The following LRRIQ1 variants were observed in gnomAD, a reference collection of about 807,000 sequenced individuals.
The protein encoded by LRRIQ1 is leucine rich repeats and IQ motif containing 1, also known as leucine-rich repeat- and IQ domain-containing protein 1.
In LRRIQ1, 210 loss-of-function variants were observed where a neutral mutation model predicts 211.9. The observed-to-expected ratio is 0.99, with a 90% confidence interval of 0.89 to 1.11. LRRIQ1 has a LOEUF of 1.11. Ranked by LOEUF, LRRIQ1 falls within the 50% of genes most tolerant of loss-of-function variation. The probability of loss-of-function intolerance (pLI) is 0.00; values close to 1 mark genes in which losing one functional copy is unlikely to be tolerated. For synonymous variants in LRRIQ1, 699 were observed against 650.1 expected (o/e 1.08, Z -1.14); for missense variants, 2,136 against 1,939.5 (o/e 1.10, Z -1.90).
At chr12:85,066,091 G>A (rs867024887) in intron 9 of LRRIQ1, among the ~76,000 whole-genome samples, 18 of 151,862 alleles carry the variant, frequency 1.2e-4, no homozygotes, top group South Asian at 4.1e-4. Context: ...TGCGAATATT[G>A]GTTTCTGATG....
chr12:85,091,961 G>T (rs142310150), intron 11 of LRRIQ1, among the ~76,000 whole-genome samples: 44 of 152,200 alleles, frequency 2.9e-4, no homozygotes, highest in African/African-American at 1.0e-3. Context: ...ATTTACAATG[G>T]CTCACTGCTG....
At chr12:85,078,056 C>T (rs1159152095) in intron 11 of LRRIQ1, among the ~76,000 whole-genome samples, 4 of 151,836 alleles carry the variant, frequency 2.6e-5, no homozygotes, top group Admixed American at 1.3e-4. Context: ...ATCTAGAACC[C>T]GCCCACCCCT....
intron 24 of LRRIQ1, among the ~76,000 whole-genome samples, chr12:85,177,693 A>G (rs548271762): frequency 6.6e-6 from 1 of 152,260 alleles, no homozygotes; most frequent in African/African-American, 2.4e-5. Context: ...TTGACTTTCT[A>G]TATTCCAATG....
At chr12:85,190,844 C>T (rs1021744194) in intron 24 of LRRIQ1, among the ~76,000 whole-genome samples, 2 of 151,886 alleles carry the variant, frequency 1.3e-5, no homozygotes, top group African/African-American at 4.8e-5. Flanking sequence ...AGCCTTTTAT[C>T]TCTAACTCCA....
chr12:85,062,728 A>G (rs1349596690), intron 8 of LRRIQ1, among the ~76,000 whole-genome samples: 5 of 151,698 alleles, frequency 3.3e-5, no homozygotes, highest in African/African-American at 4.8e-5. Context: ...GTAATGGGAT[A>G]GGTGGGTTGA....
At chr12:85,162,472 A>G (rs1483735598) in intron 24 of LRRIQ1, among the ~76,000 whole-genome samples, 1 of 152,162 alleles carries the variant, frequency 6.6e-6, no homozygotes, top group Non-Finnish European at 1.5e-5. Context: ...GAAGAAAGAT[A>G]AGCAGGGTGT....
intron 24 of LRRIQ1, among the ~76,000 whole-genome samples, chr12:85,216,986 G>C (rs1437368371): frequency 6.6e-6 from 1 of 151,830 alleles, no homozygotes; most frequent in Non-Finnish European, 1.5e-5. Context: ...TTAGAACCAG[G>C]TTTATTACTT....
intron 18 of LRRIQ1, among the ~76,000 whole-genome samples, chr12:85,128,455 G>A (rs1261094441): frequency 1.3e-5 from 2 of 151,908 alleles, no homozygotes; most frequent in Non-Finnish European, 2.9e-5. Context: ...CAAAAATTAG[G>A]TGGGTGTGGT....
intron 3 of LRRIQ1, among the ~76,000 whole-genome samples, chr12:85,041,518 C>T (rs1036455729): frequency 6.6e-6 from 1 of 150,792 alleles, no homozygotes; most frequent in African/African-American, 2.4e-5. Flanking sequence ...TAAAGCTGAG[C>T]CACATGGTTA....
At chr12:85,270,738 G>T in the LRRIQ1 span, among the ~76,000 whole-genome samples, 1 of 152,026 alleles carries the variant, frequency 6.6e-6, no homozygotes, top group African/African-American at 2.4e-5. Context: ...AAATGCTTTA[G>T]ATACATTAAC....
chr12:85,212,095 C>T (rs767013805), intron 24 of LRRIQ1, among the ~76,000 whole-genome samples: 1 of 151,884 alleles, frequency 6.6e-6, no homozygotes, highest in African/African-American at 2.4e-5. Flanking sequence ...GGCAAAAACC[C>T]GTCTCTACTA....
At chr12:85,116,468 AAAG>A (rs375688187) in intron 15 of LRRIQ1, among the ~76,000 whole-genome samples, 9 of 152,238 alleles carry the variant, frequency 5.9e-5, no homozygotes, top group African/African-American at 2.2e-4. Flanking sequence ...TAGTGTGCAT[AAAG>A]AAGGCTATAT....
intron 15 of LRRIQ1, among the ~76,000 whole-genome samples, 189 bp from the exon 16 acceptor site, chr12:85,121,508 A>T (rs1887982371): frequency 6.6e-6 from 1 of 152,186 alleles, no homozygotes; most frequent in Admixed American, 6.5e-5. Flanking sequence ...ATATGACCTG[A>T]TGCCATGCTT....
intron 24 of LRRIQ1, among the ~76,000 whole-genome samples, chr12:85,201,764 T>A (rs1406686746): frequency 2.0e-5 from 3 of 152,176 alleles, no homozygotes; most frequent in Admixed American, 6.5e-5. Flanking sequence ...GTTTGTATGT[T>A]TTTTTGTTTG....
chr12:85,154,058 C>T lies in LRRIQ1; in HGVS notation c.4684C>T (p.Gln1562Ter). ...STAQQMLKRA[Q>*]KMKSKKLKKK... ...TGCTCAGCAAATGTTGAAGAGGGCA[C>T]AGAAAATGAAATCGAAGAAACTAAA... Residue 1562 changes from glutamine (Q) to a stop codon, truncating the protein, a stop_gained, in exon 23 of 27, where the codon CAG becomes TAG. Coordinates refer to ENST00000393217, the MANE Select transcript of LRRIQ1 (RefSeq NM_001079910.2). LOFTEE classifies it high-confidence loss of function. The T allele has an allele frequency of 3.2e-6, 5 of 1,567,654 alleles. No homozygotes were observed. The highest frequency in any genetic ancestry group is 2.6e-6 in the Non-Finnish European group (3 of 1,156,178).
Position 85,116,310 on chromosome 12 carries a change from T to C in LRRIQ1, c.3378-5387T>C, listed in dbSNP as rs115907158. On this transcript the variant is annotated intron_variant, in intron 15 of 26. Coordinates refer to ENST00000393217, the MANE Select transcript of LRRIQ1 (RefSeq NM_001079910.2). Reference sequence around the variant, plus strand: ...GGCGCCCACCACCACGCCTGGCTAATTGTACTTTTTTTTTTAGTAGAGACG... The same window carrying C: ...GGCGCCCACCACCACGCCTGGCTAACTGTACTTTTTTTTTTAGTAGAGACG... Among the ~76,000 whole-genome samples, 1,210 of 152,032 alleles carry C rather than the reference T, an allele frequency of 8.0e-3. 17 individuals are homozygous for C. The highest frequency in any genetic ancestry group is 0.028 in the African/African-American group (1,153 of 41,470).
intron 1 of LRRIQ1, among the ~76,000 whole-genome samples, chr12:85,261,776 T>TATTTA (rs1896298744): frequency 2.1e-5 from 3 of 144,522 alleles, no homozygotes; most frequent in African/African-American, 8.2e-5. Flanking sequence ...TTTATTTATT[T>TATTTA]ATTTATTTAT....
At chr12:85,112,368 G>A (rs538609114) in intron 15 of LRRIQ1, among the ~76,000 whole-genome samples, 3 of 151,166 alleles carry the variant, frequency 2.0e-5, no homozygotes, top group Non-Finnish European at 4.4e-5. Context: ...TAAAGTTAAT[G>A]TATAAATAGG....
At chr12:85,192,381 A>G (rs1892564551) in intron 24 of LRRIQ1, among the ~76,000 whole-genome samples, 1 of 138,526 alleles carries the variant, frequency 7.2e-6, no homozygotes, top group African/African-American at 2.7e-5. Flanking sequence ...ATATATATAT[A>G]AATATATATA....
Sources: allele counts gnomAD v4.1 joint callset (sites outside exome capture counted in the v4.1 genomes callset), GRCh38; gene constraint gnomAD v4.1.1; transcripts MANE v1.5; gene names NCBI Gene and HGNC (gene_info 2026-07-23, HGNC 2026-07-21).